The following TEC variants were observed in gnomAD, a reference collection of about 807,000 sequenced individuals.
The protein encoded by TEC is tec protein tyrosine kinase, also known as tyrosine-protein kinase Tec.
A neutral mutation model predicts 93.0 loss-of-function variants in TEC; 72 were observed. The ratio of observed to expected loss-of-function variants is 0.77; its 90% CI spans 0.64 to 0.94. The LOEUF (loss-of-function observed/expected upper bound fraction) is 0.94. Ranked by LOEUF, TEC falls within the 40% of genes least tolerant of loss-of-function variation. The pLI is 0.00. For missense variants in TEC, 630 were observed against 757.9 expected, an observed-to-expected ratio of 0.83 and a Z score of 1.98; for synonymous variants, 249 against 247.7, an observed-to-expected ratio of 1.01 and a Z score of -0.05.
At chr4:48,269,584 G>A (rs1480445563) in intron 1 of TEC, among the ~76,000 whole-genome samples, 168 bp downstream of exon 1, 1 of 152,272 alleles carries the variant, frequency 6.6e-6, no homozygotes, top group Non-Finnish European at 1.5e-5. Context: ...AGGGGACCCA[G>A]AGACGGCGCA....
chr4:48,138,826 G>A lies in TEC; in HGVS notation c.1655-4C>T. On this transcript the variant is annotated splice_polypyrimidine_tract_variant and splice_region_variant and intron_variant, in intron 16 of 17. Transcript: ENST00000381501. ...AATACTTCCCACATTAAAACACCTGGAAAAGGATAAGGATTACCAAATGGA... is the reference window on the plus strand; with the variant it reads ...AATACTTCCCACATTAAAACACCTGAAAAAGGATAAGGATTACCAAATGGA... 1 of 1,613,540 alleles carries A rather than the reference G, an allele frequency of 6.2e-7. No homozygotes were observed. The highest frequency in any genetic ancestry group is 8.5e-7 in the Non-Finnish European group (1 of 1,179,622).
At chr4:48,185,172 T>C (rs1298926354) in intron 2 of TEC, among the ~76,000 whole-genome samples, 1 of 152,162 alleles carries the variant, frequency 6.6e-6, no homozygotes, top group Non-Finnish European at 1.5e-5. Flanking sequence ...AGTGAAAGAC[T>C]AAAGAGTTCC....
intron 2 of TEC, among the ~76,000 whole-genome samples, chr4:48,217,294 G>T (rs1259624213): frequency 6.6e-6 from 1 of 152,118 alleles, no homozygotes; most frequent in Non-Finnish European, 1.5e-5. Context: ...AGTAGAGACG[G>T]GGTTTCACCA....
intron 1 of TEC, among the ~76,000 whole-genome samples, chr4:48,236,990 C>A (rs949962860): frequency 2.6e-5 from 4 of 151,946 alleles, no homozygotes; most frequent in African/African-American, 4.8e-5. Context: ...CACTATATGC[C>A]CCACAAATAT....
At chr4:48,197,544 G>A (rs1218857485) in intron 2 of TEC, among the ~76,000 whole-genome samples, 1 of 152,142 alleles carries the variant, frequency 6.6e-6, no homozygotes, top group African/African-American at 2.4e-5. Context: ...GAAAGCATGA[G>A]ATTAACTCCC....
chr4:48,150,151 C>CT (rs1283128383), intron 10 of TEC, among the ~76,000 whole-genome samples: 1 of 152,176 alleles, frequency 6.6e-6, no homozygotes, highest in African/African-American at 2.4e-5. Flanking sequence ...TCCTGTTGCT[C>CT]TTAGGGTAAA....
At chr4:48,229,216 A>G (rs768929490) in intron 1 of TEC, among the ~76,000 whole-genome samples, 19 of 152,176 alleles carry the variant, frequency 1.2e-4, no homozygotes, top group Non-Finnish European at 2.2e-4. Flanking sequence ...CTACACTACC[A>G]TGCTCCAGAG....
intron 2 of TEC, among the ~76,000 whole-genome samples, chr4:48,188,328 T>G (rs2109578398): frequency 6.6e-6 from 1 of 152,290 alleles, no homozygotes; most frequent in South Asian, 2.1e-4. Context: ...AAAGAATATA[T>G]TCTAGATTAA....
intron 1 of TEC, among the ~76,000 whole-genome samples, chr4:48,260,071 C>T (rs1472053896): frequency 6.6e-6 from 1 of 152,214 alleles, no homozygotes; most frequent in African/African-American, 2.4e-5. Flanking sequence ...TGAGGCTCTA[C>T]ACATTACCAA....
chr4:48,207,773 G>A (rs1282996561), intron 2 of TEC, among the ~76,000 whole-genome samples: 2 of 152,158 alleles, frequency 1.3e-5, no homozygotes, highest in Non-Finnish European at 2.9e-5. Flanking sequence ...GGGCGACAGA[G>A]TGAGACCTCG....
At chr4:48,214,090 T>C (rs956718652) in intron 2 of TEC, among the ~76,000 whole-genome samples, 1 of 152,212 alleles carries the variant, frequency 6.6e-6, no homozygotes, top group Non-Finnish European at 1.5e-5. Flanking sequence ...ATCATCACCA[T>C]TGTAATTACT....
At chr4:48,188,893 G>C (rs1269453638) in intron 2 of TEC, among the ~76,000 whole-genome samples, 1 of 152,100 alleles carries the variant, frequency 6.6e-6, no homozygotes, top group Non-Finnish European at 1.5e-5. Context: ...GTGTGTGCGC[G>C]CCCATGCATA....
chr4:48,245,989 A>T (rs1724044377), intron 1 of TEC, among the ~76,000 whole-genome samples: 3 of 152,200 alleles, frequency 2.0e-5, no homozygotes, highest in Middle Eastern at 6.8e-3. Context: ...CACACCTGTA[A>T]TCCCAGCTAC....
chr4:48,143,239 A>C (rs1719760030), intron 14 of TEC, among the ~76,000 whole-genome samples: 1 of 152,256 alleles, frequency 6.6e-6, no homozygotes, highest in Non-Finnish European at 1.5e-5. Context: ...AAGAGCATCC[A>C]AAGTTTCCCA....
At chr4:48,220,744 C>G (rs1447862321) in intron 2 of TEC, among the ~76,000 whole-genome samples, 1 of 152,194 alleles carries the variant, frequency 6.6e-6, no homozygotes, top group Non-Finnish European at 1.5e-5. Flanking sequence ...CTCCTATACT[C>G]TCTCAGCACT....
In TEC at chr4:48,201,960, T is replaced by TA. The variant is rs1362500787; in HGVS notation, c.139-25775_139-25774insT. On this transcript the variant is annotated intron_variant, in intron 2 of 17. Transcript: ENST00000381501. ...CCAAAGTACTGTGGCTTATTTTTTT[T>TA]TTTTTTTTTTTTTTGAGACAGAGTC... Among the ~76,000 whole-genome samples the TA allele has an allele frequency of 1.4e-4, 21 of 145,924 alleles. No homozygotes were observed. In the South Asian group the frequency reaches 1.8e-3, roughly 12 times the overall value.
chr4:48,258,743 A>T (rs201985904), intron 1 of TEC, among the ~76,000 whole-genome samples: 13 of 60,884 alleles, frequency 2.1e-4, no homozygotes. Context: ...GTCTTTTCAA[A>T]ATCACTTGGA....
intron 2 of TEC, among the ~76,000 whole-genome samples, chr4:48,214,364 G>T (rs1723005457): frequency 6.6e-6 from 1 of 152,180 alleles, no homozygotes; most frequent in African/African-American, 2.4e-5. Context: ...GACAGGAGAA[G>T]GAGAACTGCT....
intron 1 of TEC, among the ~76,000 whole-genome samples, chr4:48,264,641 A>ACT (rs1724585351): frequency 2.1e-5 from 3 of 145,136 alleles, no homozygotes; most frequent in African/African-American, 5.1e-5. Context: ...CATCTTCAGC[A>ACT]TTTTTTTTTT....
Sources: gnomAD v4.1 joint callset for allele counts (sites outside exome capture counted in the v4.1 genomes callset) on GRCh38, gnomAD v4.1.1 for gene constraint, MANE v1.5 for transcripts, NCBI Gene and HGNC (gene_info 2026-07-23, HGNC 2026-07-21) for gene names.